DYNC1I1: variants seen among roughly 807,000 people sequenced by gnomAD.
DYNC1I1 encodes cytoplasmic dynein 1 intermediate chain 1.
A neutral mutation model predicts 86.6 loss-of-function variants in DYNC1I1; 43 were observed. The observed-to-expected ratio is 0.50, with a 90% CI of 0.39 to 0.64. The LOEUF is 0.64. Ranked by LOEUF, DYNC1I1 falls within the 30% of genes least tolerant of loss-of-function variation. The probability of loss-of-function intolerance (pLI) is 0.00; values close to 1 mark genes in which losing one functional copy is unlikely to be tolerated. For synonymous variants in DYNC1I1, 262 were observed against 283.7 expected (o/e 0.92, Z 0.77); for missense variants, 604 against 788.8 (o/e 0.77, Z 2.81).
rs531971631 is a variant in DYNC1I1 at position 95,832,034 on chromosome 7, T to A, written c.374+3918T>A. Reference sequence around the variant, plus strand: ...GCACATTGTGCAGGTTAGTTACATATGTATACATGTGCCATGCTGGTGCGC... The same window carrying A: ...GCACATTGTGCAGGTTAGTTACATAAGTATACATGTGCCATGCTGGTGCGC... On this transcript the variant is annotated intron_variant, in intron 5 of 16. Coordinates refer to ENST00000447467, the MANE Select transcript of DYNC1I1 (RefSeq NM_001135556.2). 4.1e-3 allele frequency among the ~76,000 whole-genome samples: 620 copies of A among 151,282 alleles called. 4 individuals carry two copies. Among genetic ancestry groups the A allele is most frequent in the African/African-American group, 0.014 (585 of 41,116 alleles).
chr7:96,061,694 CCTCTCT>C (rs1233157649), intron 14 of DYNC1I1, among the ~76,000 whole-genome samples: 2 of 138,700 alleles, frequency 1.4e-5, no homozygotes, highest in East Asian at 2.2e-4. Context: ...TCCCTCCCTC[CCTCTCT>C]CTCTCTCTCT....
chr7:95,927,829 G>A (rs1791785222), intron 6 of DYNC1I1, among the ~76,000 whole-genome samples: 1 of 152,196 alleles, frequency 6.6e-6, no homozygotes, highest in Non-Finnish European at 1.5e-5. Flanking sequence ...GCCTTCTGAA[G>A]ACCAGAACTG....
At chr7:95,931,033 T>C (rs933271029) in intron 6 of DYNC1I1, among the ~76,000 whole-genome samples, 2 of 152,238 alleles carry the variant, frequency 1.3e-5, no homozygotes, top group African/African-American at 4.8e-5. Context: ...GTAGAAAAAC[T>C]GGTTAATTCA....
intron 1 of DYNC1I1, among the ~76,000 whole-genome samples, chr7:95,792,111 C>T (rs1466032718): frequency 1.3e-5 from 2 of 152,170 alleles, no homozygotes; most frequent in African/African-American, 4.8e-5. Context: ...CACTAAGGTA[C>T]AGAAGTAAAT....
At chr7:96,077,239 TTGTG>T (rs3047672) in intron 15 of DYNC1I1, among the ~76,000 whole-genome samples, 27,696 of 144,328 alleles carry the variant, frequency 0.19, 2,663 homozygotes, top group Middle Eastern at 0.25. Flanking sequence ...TCCCTAGTAT[TTGTG>T]TGTGTGTGTG....
intron 1 of DYNC1I1, among the ~76,000 whole-genome samples, chr7:95,777,831 G>T (rs1793884563): frequency 6.6e-6 from 1 of 152,202 alleles, no homozygotes; most frequent in East Asian, 1.9e-4. Flanking sequence ...TTAACTCAGT[G>T]CTCTTCCAAC....
chr7:95,944,626 A>G (rs911561780), intron 6 of DYNC1I1, among the ~76,000 whole-genome samples: 2 of 152,164 alleles, frequency 1.3e-5, no homozygotes, highest in Admixed American at 6.5e-5. Context: ...AACCAACTCA[A>G]ATGTCCAACA....
intron 1 of DYNC1I1, among the ~76,000 whole-genome samples, chr7:95,795,009 A>G (rs1794400749): frequency 6.6e-6 from 1 of 152,214 alleles, no homozygotes; most frequent in Non-Finnish European, 1.5e-5. Context: ...AAACTCCTGC[A>G]GTGCTTGGGA....
At chr7:96,089,500 G>A (rs1306068045) in intron 16 of DYNC1I1, among the ~76,000 whole-genome samples, 2 of 152,112 alleles carry the variant, frequency 1.3e-5, no homozygotes, top group East Asian at 3.8e-4. Context: ...TTACTTAACT[G>A]TAGTTGCACA....
chr7:96,097,530 T>G lies in DYNC1I1; in HGVS notation c.1824T>G (p.Leu608=). Residue 608 remains leucine, a synonymous_variant, in exon 17 of 17, where the codon CTT becomes CTG. Coordinates refer to ENST00000447467, the MANE Select transcript of DYNC1I1 (RefSeq NM_001135556.2). The part of the protein sequence containing the change: ...NDEWTRFART[L]VEIRANRADS... ...AATGGACCCGATTTGCCAGGACCCT[T>G]GTGGAAATTCGTGCTAACAGAGCTG... 1 of 1,613,792 alleles carries G rather than the reference T, an allele frequency of 6.2e-7. No homozygotes were observed. Among genetic ancestry groups the G allele is most frequent in the Non-Finnish European group, 8.5e-7 (1 of 1,179,780 alleles).
chr7:95,936,590 CA>C (rs1247758118), intron 6 of DYNC1I1, among the ~76,000 whole-genome samples: 1 of 151,314 alleles, frequency 6.6e-6, no homozygotes, highest in Non-Finnish European at 1.5e-5. Context: ...AGAAAATTAC[CA>C]AAAAAGAGTA....
At chr7:95,924,875 C>T (rs755467707) in intron 6 of DYNC1I1, among the ~76,000 whole-genome samples, 2 of 152,126 alleles carry the variant, frequency 1.3e-5, no homozygotes, top group Non-Finnish European at 2.9e-5. Flanking sequence ...AAAGTGGGCT[C>T]TCTCCTAGAG....
chr7:95,817,433 A>G (rs1335797129), intron 4 of DYNC1I1, among the ~76,000 whole-genome samples: 1 of 152,202 alleles, frequency 6.6e-6, no homozygotes, highest in African/African-American at 2.4e-5. Context: ...TGAGTGATAC[A>G]CAACCTACCC....
At chr7:95,809,886 A>G (rs1388836072) in intron 2 of DYNC1I1, among the ~76,000 whole-genome samples, 2 of 152,154 alleles carry the variant, frequency 1.3e-5, no homozygotes, top group African/African-American at 2.4e-5. Context: ...ATTTTAAACC[A>G]TGGCAAACTT....
At chr7:96,106,661 T>A (rs1364705988) in intron 16 of DYNC1I1, among the ~76,000 whole-genome samples, 2 of 152,246 alleles carry the variant, frequency 1.3e-5, no homozygotes, top group African/African-American at 4.8e-5. Flanking sequence ...TTGTGGTATA[T>A]TATTTGACCT....
intron 1 of DYNC1I1, among the ~76,000 whole-genome samples, chr7:95,797,119 G>A (rs1794457447): frequency 6.6e-6 from 1 of 152,100 alleles, no homozygotes; most frequent in South Asian, 2.1e-4. Flanking sequence ...CTTATTGTGT[G>A]ACAAATGGGA....
At chr7:95,934,958 GT>G (rs1562948587) in intron 6 of DYNC1I1, among the ~76,000 whole-genome samples, 3 of 151,256 alleles carry the variant, frequency 2.0e-5, no homozygotes, top group Non-Finnish European at 1.5e-5. Flanking sequence ...TGTTTTGTGT[GT>G]GTGTGTGTGT....
At chr7:95,964,027 G>A (rs1365703652) in intron 6 of DYNC1I1, among the ~76,000 whole-genome samples, 3 of 152,092 alleles carry the variant, frequency 2.0e-5, no homozygotes, top group Non-Finnish European at 4.4e-5. Context: ...TTGAGCCAAT[G>A]GGAAAACTTG....
rs1791191310 is a variant in DYNC1I1, at chr7:96,104,847, CTATT to C, written c.1543-5131_1543-5128del. On this transcript the variant is annotated intron_variant, in intron 16 of 16. Coordinates refer to the DYNC1I1 transcript ENST00000537881. ...TACTCATTTTGAAAGATTATTTTAA[CTATT>C]CTAGGTCTTTTGTGTTTGCACATGA... Among the ~76,000 whole-genome samples, 3 of 152,148 alleles carry C rather than the reference CTATT, an allele frequency of 2.0e-5. No homozygotes were observed. The South Asian group carries it at 6.2e-4, about 32-fold the overall frequency.
Sources: allele counts gnomAD v4.1 joint callset (sites outside exome capture counted in the v4.1 genomes callset), GRCh38; gene constraint gnomAD v4.1.1; transcripts MANE v1.5; gene names NCBI Gene and HGNC (gene_info 2026-07-23, HGNC 2026-07-21).